TTLL11: variants seen among roughly 807,000 people sequenced by gnomAD.
TTLL11 encodes tubulin polyglutamylase TTLL11.
TTLL11 carries 42 observed loss-of-function variants against 51.7 expected under a neutral mutation model. That is an observed-to-expected ratio of 0.81 (90% CI 0.64 to 1.05). The LOEUF is 1.05. TTLL11 is among the 50% of genes least tolerant of loss of function. TTLL11 has a pLI of 0.00. For missense variants in TTLL11, 799 were observed against 940.4 expected, an observed-to-expected ratio of 0.85 and a Z score of 1.97; for synonymous variants, 381 against 383.5, an observed-to-expected ratio of 0.99 and a Z score of 0.08.
intron 6 of TTLL11, among the ~76,000 whole-genome samples, chr9:121,942,384 T>C (rs1841509391): frequency 6.6e-6 from 1 of 152,216 alleles, no homozygotes; most frequent in South Asian, 2.1e-4. Flanking sequence ...ACACATCGTC[T>C]TGGCCCTTCA....
At chr9:121,891,791 C>T (rs144375141) in intron 6 of TTLL11, among the ~76,000 whole-genome samples, 1 of 39,566 alleles carries the variant, frequency 2.5e-5, no homozygotes, top group Admixed American at 3.6e-4. Flanking sequence ...GTTTCACCTT[C>T]TCTTTCCTTT....
intron 6 of TTLL11, among the ~76,000 whole-genome samples, chr9:121,920,410 A>C (rs948380121): frequency 2.6e-5 from 4 of 152,172 alleles, no homozygotes; most frequent in African/African-American, 9.7e-5. Context: ...TCAAGGAGCA[A>C]AGCTCTCTGA....
At chr9:122,047,539 A>G (rs1235663562) in intron 1 of TTLL11, among the ~76,000 whole-genome samples, 1 of 152,034 alleles carries the variant, frequency 6.6e-6, no homozygotes, top group Non-Finnish European at 1.5e-5. Context: ...CCAGAAGAGA[A>G]TGAACCCAGC....
At chr9:121,875,054 T>C (rs1409595996) in intron 6 of TTLL11, among the ~76,000 whole-genome samples, 2 of 152,202 alleles carry the variant, frequency 1.3e-5, no homozygotes, top group Non-Finnish European at 2.9e-5. Context: ...TATTTTATCA[T>C]AGTATAATAA....
At chr9:121,868,055 C>G (rs2131392769) in intron 7 of TTLL11, among the ~76,000 whole-genome samples, 1 of 152,276 alleles carries the variant, frequency 6.6e-6, no homozygotes, top group Admixed American at 6.5e-5. Flanking sequence ...TTCATGTTCT[C>G]TGATCTTGAA....
At chr9:122,032,485 C>T (rs996342085) in intron 2 of TTLL11, among the ~76,000 whole-genome samples, 2 of 152,064 alleles carry the variant, frequency 1.3e-5, no homozygotes, top group Non-Finnish European at 2.9e-5. Context: ...CTGACACTGA[C>T]ATTGATCCTA....
At chr9:121,892,057 A>AT (rs1839260773) in intron 6 of TTLL11, among the ~76,000 whole-genome samples, 1 of 146,290 alleles carries the variant, frequency 6.8e-6, no homozygotes. Context: ...TAAAAAATAT[A>AT]AAAAATATAT....
At chr9:122,013,306 C>G (rs1241570191) in intron 3 of TTLL11, among the ~76,000 whole-genome samples, 1 of 152,146 alleles carries the variant, frequency 6.6e-6, no homozygotes, top group African/African-American at 2.4e-5. Flanking sequence ...GGATTGGGAT[C>G]AGAGGACAGA....
chr9:121,921,867 G>A (rs1202102623), intron 6 of TTLL11, among the ~76,000 whole-genome samples: 1 of 152,148 alleles, frequency 6.6e-6, no homozygotes, highest in Non-Finnish European at 1.5e-5. Context: ...GAAGGAAGAA[G>A]AGCTGGGAAA....
chr9:121,969,986 T>A (rs192044789), intron 6 of TTLL11, among the ~76,000 whole-genome samples: 2 of 152,350 alleles, frequency 1.3e-5, no homozygotes, highest in Admixed American at 6.5e-5. Flanking sequence ...GATTACAAAG[T>A]ACTTTCATGG....
chr9:122,066,423 C>G (rs552218820), intron 1 of TTLL11, among the ~76,000 whole-genome samples: 2 of 152,016 alleles, frequency 1.3e-5, no homozygotes, highest in African/African-American at 4.8e-5. Context: ...GAGCCAGAGT[C>G]CAGGGTCACA....
At chr9:122,019,030 C>T (rs1248329809) in intron 3 of TTLL11, among the ~76,000 whole-genome samples, 1 of 152,186 alleles carries the variant, frequency 6.6e-6, no homozygotes, top group Admixed American at 6.5e-5. Flanking sequence ...TTGGGTTTCC[C>T]ATCTTGGCAA....
At chr9:121,927,442 C>T (rs556032747) in intron 6 of TTLL11, among the ~76,000 whole-genome samples, 1 of 152,338 alleles carries the variant, frequency 6.6e-6, no homozygotes, top group South Asian at 2.1e-4. Flanking sequence ...TATAAACACC[C>T]TCTCCCTGAA....
chr9:121,990,647 G>C (rs1025010805), intron 3 of TTLL11, among the ~76,000 whole-genome samples: 1 of 152,110 alleles, frequency 6.6e-6, no homozygotes, highest in Non-Finnish European at 1.5e-5. Context: ...ACGTACAAAG[G>C]GCCAAGCGCA....
intron 8 of TTLL11, among the ~76,000 whole-genome samples, chr9:121,841,451 T>C (rs1261560270): frequency 1.3e-5 from 2 of 152,186 alleles, no homozygotes; most frequent in Non-Finnish European, 2.9e-5. Context: ...GCTGCGCTTA[T>C]GTAAGGCTTC....
chr9:122,032,294 G>A (rs1844576511), intron 2 of TTLL11, among the ~76,000 whole-genome samples: 1 of 152,090 alleles, frequency 6.6e-6, no homozygotes, highest in South Asian at 2.1e-4. Context: ...TACATTATGA[G>A]AGGCTTAATT....
chr9:121,998,833 T>G (rs1843371614), intron 3 of TTLL11, among the ~76,000 whole-genome samples: 1 of 152,146 alleles, frequency 6.6e-6, no homozygotes, highest in Non-Finnish European at 1.5e-5. Context: ...TTGTTTATTG[T>G]CTTGCTATGT....
chr9:121,998,969 A>G (rs1417520036), intron 3 of TTLL11, among the ~76,000 whole-genome samples: 3 of 152,120 alleles, frequency 2.0e-5, no homozygotes, highest in South Asian at 4.1e-4. Flanking sequence ...CTTTGTAACT[A>G]GAGGTTTCTC....
intron 7 of TTLL11, among the ~76,000 whole-genome samples, chr9:121,869,855 C>T (rs902709416): frequency 6.6e-6 from 1 of 152,072 alleles, no homozygotes; most frequent in Admixed American, 6.6e-5. Context: ...GCTGTATTGC[C>T]CCAAAGTGCC....
Sources: allele counts gnomAD v4.1 joint callset (sites outside exome capture counted in the v4.1 genomes callset), GRCh38; gene constraint gnomAD v4.1.1; transcripts MANE v1.5; gene names NCBI Gene and HGNC (gene_info 2026-07-23, HGNC 2026-07-21).